The following ATG7 variants were observed in gnomAD, a reference collection of about 807,000 sequenced individuals.
ATG7 encodes ubiquitin-like modifier-activating enzyme ATG7.
A neutral mutation model predicts 82.4 loss-of-function variants in ATG7; 70 were observed. The observed-to-expected ratio is 0.85, with a 90% confidence interval of 0.70 to 1.04. ATG7 has a LOEUF of 1.04. ATG7 is among the 50% of genes least tolerant of loss of function. The probability of loss-of-function intolerance (pLI) is 0.00; values close to 1 mark genes in which losing one functional copy is unlikely to be tolerated. For synonymous variants in ATG7, 287 were observed against 313.0 expected (o/e 0.92, Z 0.88); for missense variants, 792 against 864.3 (o/e 0.92, Z 1.05).
At chr3:11,289,507 A>G (rs1325510594) in intron 3 of ATG7, among the ~76,000 whole-genome samples, 1 of 152,254 alleles carries the variant, frequency 6.6e-6, no homozygotes, top group African/African-American at 2.4e-5. Context: ...CTCAACATCA[A>G]CTATATCCTC....
At chr3:11,427,048 T>C in intron 20 of ATG7, 122 bp downstream of exon 20, 1 of 1,218,224 alleles carries the variant, frequency 8.2e-7, no homozygotes, top group Non-Finnish European at 1.1e-6. Context: ...CAAATATCAC[T>C]AAATAAGTCT....
chr3:11,566,696 G>A, the ATG7 span, among the ~76,000 whole-genome samples: 11 of 152,118 alleles, frequency 7.2e-5, no homozygotes, highest in Non-Finnish European at 1.5e-4. Flanking sequence ...TCCCCGTCCT[G>A]CGCTGCCAAC....
chr3:11,443,697 A>C (rs1008777119), intron 20 of ATG7, among the ~76,000 whole-genome samples: 1 of 152,156 alleles, frequency 6.6e-6, no homozygotes, highest in Admixed American at 6.6e-5. Flanking sequence ...GAGTCACTGC[A>C]CCTGGCCGAG....
intron 12 of ATG7, 107 bp downstream of exon 12, chr3:11,340,842 A>G (rs2152773389): frequency 1.1e-6 from 1 of 939,482 alleles, no homozygotes; most frequent in Non-Finnish European, 1.6e-6. Context: ...AGGGGGTGCC[A>G]GTCATGCTGC....
At chr3:11,549,518 G>A (rs2071582750) in intron 20 of ATG7, among the ~76,000 whole-genome samples, 1 of 152,092 alleles carries the variant, frequency 6.6e-6, no homozygotes, top group Non-Finnish European at 1.5e-5. Flanking sequence ...ACCCCTTCCA[G>A]TTGGGCTTCC....
intron 9 of ATG7, among the ~76,000 whole-genome samples, chr3:11,327,552 G>A (rs1185363709): frequency 6.6e-6 from 1 of 152,224 alleles, no homozygotes. Context: ...GATGCAGGTG[G>A]TCTCTGCTGG....
chr3:11,283,889 G>A (rs1357482838), intron 3 of ATG7, among the ~76,000 whole-genome samples: 1 of 152,148 alleles, frequency 6.6e-6, no homozygotes, highest in Non-Finnish European at 1.5e-5. Flanking sequence ...CCGAGATCAC[G>A]CCATTGCACT....
intron 19 of ATG7, among the ~76,000 whole-genome samples, chr3:11,419,702 A>G (rs1231476792): frequency 2.6e-5 from 4 of 152,226 alleles, no homozygotes; most frequent in African/African-American, 9.6e-5. Flanking sequence ...GGGCGCTGAA[A>G]TGCCTAGGCA....
At chr3:11,563,983 G>C in the ATG7 span, among the ~76,000 whole-genome samples, 1 of 152,144 alleles carries the variant, frequency 6.6e-6, no homozygotes, top group African/African-American at 2.4e-5. Context: ...GGACACAGAG[G>C]CTCTTGCAGC....
chr3:11,293,335 G>A (rs1945270982), intron 3 of ATG7, among the ~76,000 whole-genome samples: 1 of 151,420 alleles, frequency 6.6e-6, no homozygotes, highest in Admixed American at 6.6e-5. Context: ...TTTGAGACCA[G>A]CCTGTCTAAC....
chr3:11,299,567 C>T (rs1946463810), intron 5 of ATG7, 151 bp downstream of exon 5: 4 of 727,866 alleles, frequency 5.5e-6, no homozygotes, highest in Admixed American at 4.8e-5. Context: ...CTTATACCTC[C>T]CATAGAGATG....
chr3:11,448,259 C>T (rs990471194), intron 20 of ATG7, among the ~76,000 whole-genome samples: 6 of 152,228 alleles, frequency 3.9e-5, no homozygotes, highest in Non-Finnish European at 5.9e-5. Flanking sequence ...CCTCCTTTCT[C>T]CTTGCTACAC....
intron 19 of ATG7, among the ~76,000 whole-genome samples, chr3:11,388,922 A>G (rs767898423): frequency 6.6e-6 from 1 of 151,968 alleles, no homozygotes; most frequent in Non-Finnish European, 1.5e-5. Context: ...GGCTTTATAC[A>G]ATGTATATAT....
At chr3:11,568,556 G>A in the ATG7 span, 1 of 1,552,278 alleles carries the variant, frequency 6.4e-7, no homozygotes, top group Non-Finnish European at 8.7e-7. This position sits in a 1 kb window ranked among gnomAD's most constrained non-coding sequence, Gnocchi z 5.9. Context: ...AGCGAGAAAA[G>A]GCCTGGAGAA....
At position 11,340,682 on chromosome 3, in the gene ATG7, AG is replaced by A. The variant is rs1480722535; in HGVS notation, c.929del (p.Gly310GlufsTer8). ...KAVGWEKNQK[G>X]GMGPRMVNLS... ...CAGTTGGATGGGAAAAGAACCAGAA[AG>A]GAGGCATGGGACCAAGGATGGTGAA... On this transcript the variant is annotated frameshift_variant, in exon 12 of 21. Transcript: ENST00000693202. LOFTEE classifies it high-confidence loss of function. The A allele has an allele frequency of 1.9e-6, 3 of 1,613,842 alleles. No individual in the cohort carries two copies. Among genetic ancestry groups the A allele is most frequent in the Non-Finnish European group, 2.5e-6 (3 of 1,179,906 alleles).
chr3:11,273,062 A>G (rs1940854924), intron 1 of ATG7, among the ~76,000 whole-genome samples: 1 of 152,256 alleles, frequency 6.6e-6, no homozygotes, highest in South Asian at 2.1e-4. Context: ...GAGAAGTACA[A>G]GCCAAACCGT....
At chr3:11,562,091 T>A (rs2073072941), downstream of ATG7, among the ~76,000 whole-genome samples, 2 of 151,620 alleles carry the variant, frequency 1.3e-5, no homozygotes, top group African/African-American at 4.9e-5. Flanking sequence ...AAAAACAGGG[T>A]TTCACCATGT....
At chr3:11,511,902 C>T (rs2092083877) in intron 20 of ATG7, among the ~76,000 whole-genome samples, 1 of 152,196 alleles carries the variant, frequency 6.6e-6, no homozygotes, top group African/African-American at 2.4e-5. Context: ...GCGGGGCCCA[C>T]CAAGCCCACA....
At chr3:11,293,165 T>C (rs546974359) in intron 3 of ATG7, among the ~76,000 whole-genome samples, 2 of 152,308 alleles carry the variant, frequency 1.3e-5, no homozygotes, top group African/African-American at 2.4e-5. Context: ...CACTTAAATA[T>C]ATGTTTAGAG....
Sources: allele counts gnomAD v4.1 joint callset (sites outside exome capture counted in the v4.1 genomes callset), GRCh38; gene constraint gnomAD v4.1.1; non-coding constraint Gnocchi (gnomAD v3.1); transcripts MANE v1.5; gene names NCBI Gene and HGNC (gene_info 2026-07-23, HGNC 2026-07-21).